Variants in CDH8 observed in about 807,000 individuals in gnomAD.
CDH8 encodes cadherin-8.
In CDH8, 17 loss-of-function variants were observed where a neutral mutation model predicts 68.1. The observed-to-expected ratio is 0.25, with a 90% CI of 0.17 to 0.37. The LOEUF is 0.37. Among genes scored for constraint, CDH8 ranks in the 10% least tolerant of loss-of-function variants. The pLI is 1.00. For synonymous variants in CDH8, 372 were observed against 365.1 expected (o/e 1.02, Z -0.21); for missense variants, 763 against 999.3 (o/e 0.76, Z 3.19).
At chr16:61,824,390 C>A (rs986977228) in intron 5 of CDH8, among the ~76,000 whole-genome samples, 1 of 151,848 alleles carries the variant, frequency 6.6e-6, no homozygotes, top group Non-Finnish European at 1.5e-5. Flanking sequence ...CAAATCATGT[C>A]TCTGTCATAT....
intron 8 of CDH8, among the ~76,000 whole-genome samples, chr16:61,729,068 C>T (rs1352057308): frequency 6.6e-6 from 1 of 151,074 alleles, no homozygotes; most frequent in Non-Finnish European, 1.5e-5. Flanking sequence ...AAATATTTCA[C>T]GTAATCATAT....
chr16:61,961,173 G>T (rs1360282786), intron 2 of CDH8, among the ~76,000 whole-genome samples: 1 of 152,072 alleles, frequency 6.6e-6, no homozygotes, highest in Non-Finnish European at 1.5e-5. Context: ...AAATTAGCCA[G>T]GTGTGGAGGC....
At chr16:61,895,522 A>T (rs1963855972) in intron 3 of CDH8, among the ~76,000 whole-genome samples, 2 of 152,094 alleles carry the variant, frequency 1.3e-5, no homozygotes, top group Non-Finnish European at 2.9e-5. Context: ...TCATCATTAC[A>T]GTAGCCCTGA....
rs57232370 is a variant in CDH8, at chr16:61,917,062, A to AGTGTGTGTGT, written c.253-15599_253-15590dup. On this transcript the variant is annotated intron_variant, in intron 2 of 11. Coordinates refer to ENST00000577390, the MANE Select transcript of CDH8 (RefSeq NM_001796.5). ...GCATTGCACAAATTATTTACCTATT[A>AGTGTGTGTGT]GTGTGTGTGTGTGTGTGTGTGTGTG... is the stretch of plus-strand genomic sequence containing the variant. 4.7e-4 allele frequency among the ~76,000 whole-genome samples: 64 copies of AGTGTGTGTGT among 137,390 alleles called. 1 individual carries two copies. Among genetic ancestry groups the AGTGTGTGTGT allele is most frequent in the East Asian group, 1.3e-3 (6 of 4,540 alleles). The allele number at this position is 137,390 out of a possible 152,430, so 90.1% of individuals were successfully genotyped here.
At position 61,970,480 on chromosome 16, in the gene CDH8, G is replaced by A. The variant is rs888317122; in HGVS notation, c.252+50672C>T. Among the ~76,000 whole-genome samples, 9 of 152,126 alleles carry A rather than the reference G, an allele frequency of 5.9e-5. No homozygotes were observed. In the South Asian group the frequency reaches 6.2e-4, roughly 11 times the overall value. The stretch of plus-strand genomic sequence containing the variant: ...TGTGTATCAAAATGTTACATTGTAC[G>A]CCTTAAAAATATATAATTTTTATTT... On this transcript the variant is annotated intron_variant, in intron 2 of 11. Coordinates refer to ENST00000577390, the MANE Select transcript of CDH8 (RefSeq NM_001796.5).
chr16:61,874,524 G>C (rs1963427427), intron 3 of CDH8, among the ~76,000 whole-genome samples: 1 of 151,850 alleles, frequency 6.6e-6, no homozygotes, highest in African/African-American at 2.4e-5. Context: ...GTAGAGACAG[G>C]GTTTCACCAT....
rs1963259637 is a variant in CDH8, at chr16:61,648,791, C to T, written c.*4817G>A. 6.6e-6 allele frequency: 1 copy of T among 151,874 alleles called. No homozygotes were observed. The highest frequency in any genetic ancestry group is 1.5e-5 in the Non-Finnish European group (1 of 67,900). The allele number at this position is 151,874 out of a possible 1,614,324, so 9.4% of individuals were successfully genotyped here. On this transcript the variant is annotated 3_prime_UTR_variant, in exon 12 of 12. Coordinates refer to ENST00000577390, the MANE Select transcript of CDH8 (RefSeq NM_001796.5). ...ACAAAATTCTTTTTCCTCAGATAGT[C>T]CATCAAGTCAGGAAATTTTTAAATT...
Position 61,652,690 on chromosome 16 carries a change from C to T in CDH8, c.*918G>A. ...TTAATGGATATAATTTAGTTTTTTC[C>T]CATATATCCCCTTAATCTATAGATT... On this transcript the variant is annotated 3_prime_UTR_variant, in exon 12 of 12. Transcript: ENST00000577390. The T allele has an allele frequency of 8.1e-7, 1 of 1,228,372 alleles. No homozygotes were observed. The highest frequency in any genetic ancestry group is 1.0e-6 in the Non-Finnish European group (1 of 976,410). 76.1% of individuals were successfully genotyped at this position (1,228,372 alleles called of 1,614,324 possible).
chr16:61,808,312 A>G (rs901429698), intron 7 of CDH8, among the ~76,000 whole-genome samples: 1 of 152,186 alleles, frequency 6.6e-6, no homozygotes, highest in Non-Finnish European at 1.5e-5. Context: ...CCTGTATTAT[A>G]GCCATCACTG....
At chr16:61,898,995 A>G (rs1366666042) in intron 3 of CDH8, among the ~76,000 whole-genome samples, 1 of 152,044 alleles carries the variant, frequency 6.6e-6, no homozygotes, top group Non-Finnish European at 1.5e-5. Flanking sequence ...TTTTAAAATT[A>G]TACTTTAAGT....
At chr16:61,717,440 G>A (rs1964753142) in intron 9 of CDH8, among the ~76,000 whole-genome samples, 1 of 151,598 alleles carries the variant, frequency 6.6e-6, no homozygotes, top group Non-Finnish European at 1.5e-5. Context: ...GTATAATTCT[G>A]ACCCTTAAAA....
At chr16:61,751,034 A>G (rs1024887564) in intron 8 of CDH8, among the ~76,000 whole-genome samples, 2 of 152,144 alleles carry the variant, frequency 1.3e-5, no homozygotes, top group African/African-American at 4.8e-5. Flanking sequence ...AACATAGAAA[A>G]TAAAAGCAAA....
At chr16:62,029,995 G>A (rs547113372) in intron 1 of CDH8, among the ~76,000 whole-genome samples, 5 of 152,272 alleles carry the variant, frequency 3.3e-5, no homozygotes, top group African/African-American at 1.2e-4. Flanking sequence ...TTGAAATGCA[G>A]CCAACGATCC....
intron 10 of CDH8, among the ~76,000 whole-genome samples, chr16:61,657,651 C>G (rs1048140304): frequency 9.2e-5 from 14 of 151,984 alleles, no homozygotes; most frequent in African/African-American, 3.1e-4. Flanking sequence ...CTAATTAGTA[C>G]AAAGAACATT....
At chr16:61,951,368 C>T (rs538003055) in intron 2 of CDH8, among the ~76,000 whole-genome samples, 2 of 151,872 alleles carry the variant, frequency 1.3e-5, no homozygotes, top group Non-Finnish European at 2.9e-5. Context: ...AAAAAATTAG[C>T]TGGGCGTGCT....
intron 2 of CDH8, among the ~76,000 whole-genome samples, chr16:61,914,838 G>T (rs1047104127): frequency 2.0e-5 from 3 of 151,846 alleles, no homozygotes; most frequent in Non-Finnish European, 2.9e-5. Context: ...CCCCAGAGGC[G>T]CTAGAAAGAA....
chr16:61,847,554 AT>A (rs1347920536), intron 4 of CDH8, among the ~76,000 whole-genome samples: 1 of 146,104 alleles, frequency 6.8e-6, no homozygotes. Context: ...ATATATATAT[AT>A]ATATATATAT....
intron 2 of CDH8, among the ~76,000 whole-genome samples, chr16:61,958,787 C>T (rs1965027809): frequency 6.6e-6 from 1 of 152,144 alleles, no homozygotes; most frequent in African/African-American, 2.4e-5. Context: ...AGATTATCTA[C>T]TAAGATTATC....
intron 8 of CDH8, among the ~76,000 whole-genome samples, chr16:61,789,121 G>C (rs1961317247): frequency 6.6e-6 from 1 of 151,958 alleles, no homozygotes; most frequent in South Asian, 2.1e-4. Flanking sequence ...CTGAATAATG[G>C]ATATAAGAAT....
Sources: gnomAD v4.1 joint callset for allele counts (sites outside exome capture counted in the v4.1 genomes callset) on GRCh38, gnomAD v4.1.1 for gene constraint, MANE v1.5 for transcripts, NCBI Gene and HGNC (gene_info 2026-07-23, HGNC 2026-07-21) for gene names.